Variants in GPHN observed in about 807,000 individuals in gnomAD.
The protein encoded by GPHN is gephyrin.
A neutral mutation model predicts 95.5 loss-of-function variants in GPHN; 17 were observed. That is an observed-to-expected ratio of 0.18 (90% CI 0.12 to 0.27). GPHN has a LOEUF of 0.27. Ranked by LOEUF, GPHN falls within the 10% of genes least tolerant of loss-of-function variation. The pLI, the probability that GPHN is intolerant of heterozygous loss-of-function variation, is 1.00. For missense variants in GPHN, 660 were observed against 978.1 expected, an observed-to-expected ratio of 0.67 and a Z score of 4.34; for synonymous variants, 320 against 322.5, an observed-to-expected ratio of 0.99 and a Z score of 0.08.
the GPHN span, among the ~76,000 whole-genome samples, chr14:67,315,754 GC>G: frequency 6.6e-6 from 1 of 152,130 alleles, no homozygotes; most frequent in African/African-American, 2.4e-5. Flanking sequence ...GTGAAACCGA[GC>G]CTCTACTAAA....
intron 9 of GPHN, among the ~76,000 whole-genome samples, chr14:67,022,365 C>A (rs1314444055): frequency 6.6e-6 from 1 of 151,584 alleles, no homozygotes; most frequent in Non-Finnish European, 1.5e-5. Context: ...GTATTATTTT[C>A]TTTAAGCAGT....
At chr14:67,337,327 C>A in the GPHN span, 1 of 152,246 alleles carries the variant, frequency 6.6e-6, no homozygotes, top group Non-Finnish European at 1.5e-5. Context: ...GCCTGGCCAA[C>A]ATGGTGAAAC....
In GPHN at chr14:66,852,787, T is replaced by TA. The variant is rs566940982; in HGVS notation, c.295-27146dup. ...TTTTCAAAGATGAAGAATTCTGACA[T>TA]AAAAAATAAAATTAGTGAACTCTCA... On this transcript the variant is annotated intron_variant, in intron 4 of 22. Coordinates refer to ENST00000478722, the MANE Select transcript of GPHN (RefSeq NM_020806.5). Among the ~76,000 whole-genome samples, 170 of 152,306 alleles carry TA rather than the reference T, an allele frequency of 1.1e-3. 4 individuals are homozygous for TA. The South Asian group carries it at 0.034, about 30-fold the overall frequency.
chr14:67,075,614 T>G (rs2076465197), intron 11 of GPHN, among the ~76,000 whole-genome samples: 1 of 152,174 alleles, frequency 6.6e-6, no homozygotes, highest in Admixed American at 6.5e-5. Context: ...TTAAGAGCAT[T>G]TATGATTCAC....
At chr14:66,548,178 A>AT (rs564746424) in intron 1 of GPHN, among the ~76,000 whole-genome samples, 2,273 of 116,124 alleles carry the variant, frequency 0.02, 52 homozygotes, top group African/African-American at 0.042. Flanking sequence ...TACTATTGTA[A>AT]TTTTTTTTTT....
chr14:67,678,943 G>A, the GPHN span, among the ~76,000 whole-genome samples: 18,905 of 152,192 alleles, frequency 0.12, 1,212 homozygotes, highest in Admixed American at 0.14. Flanking sequence ...AGGAAAAGGC[G>A]ACACAGAAAA....
intron 1 of GPHN, among the ~76,000 whole-genome samples, chr14:66,546,526 C>G (rs1233620787): frequency 6.6e-6 from 1 of 152,296 alleles, no homozygotes; most frequent in South Asian, 2.1e-4. Context: ...CCCGGCACCT[C>G]GGGAGGCCGA....
chr14:66,887,965 C>T (rs1188238819), intron 5 of GPHN, among the ~76,000 whole-genome samples: 1 of 152,092 alleles, frequency 6.6e-6, no homozygotes, highest in Non-Finnish European at 1.5e-5. Context: ...TAAACAGTGC[C>T]TTTGATGGGC....
the GPHN span, among the ~76,000 whole-genome samples, chr14:67,560,761 G>A: frequency 3.0e-5 from 4 of 132,880 alleles, no homozygotes; most frequent in Admixed American, 2.6e-4. Context: ...ACGGAGTCTC[G>A]CTCTTGTTTC....
chr14:66,528,688 T>G (rs1000851192), intron 1 of GPHN, among the ~76,000 whole-genome samples: 5 of 152,226 alleles, frequency 3.3e-5, no homozygotes, highest in African/African-American at 9.6e-5. Context: ...TTTGCGTGTC[T>G]GTAAAGGATT....
At chr14:67,572,617 T>TAGAG in the GPHN span, among the ~76,000 whole-genome samples, 48,910 of 151,868 alleles carry the variant, frequency 0.32, 8,927 homozygotes, top group Non-Finnish European at 0.39. Flanking sequence ...ATTGAACTCT[T>TAGAG]GGCACCAGGC....
chr14:66,656,768 A>C (rs150713934), intron 1 of GPHN, among the ~76,000 whole-genome samples: 77 of 152,256 alleles, frequency 5.1e-4, no homozygotes, highest in African/African-American at 1.7e-3. Context: ...TTAATCAATA[A>C]ATGTTGTGTG....
the GPHN span, among the ~76,000 whole-genome samples, chr14:67,423,437 AC>A: frequency 6.6e-6 from 1 of 151,986 alleles, no homozygotes; most frequent in South Asian, 2.1e-4. Context: ...CAGTCTAGGC[AC>A]CCACAGTGTT....
At chr14:67,308,647 G>C in the GPHN span, among the ~76,000 whole-genome samples, 21 of 150,416 alleles carry the variant, frequency 1.4e-4, no homozygotes, top group South Asian at 4.0e-3. Context: ...CTGGGTTCAA[G>C]TGATTCTCCC....
chr14:67,603,191 C>T, the GPHN span, among the ~76,000 whole-genome samples: 1,206 of 152,214 alleles, frequency 7.9e-3, 21 homozygotes, highest in African/African-American at 0.027. Context: ...CACCTCAGCC[C>T]CTCAAGTATC....
chr14:66,653,381 T>C (rs2065144447), intron 1 of GPHN, among the ~76,000 whole-genome samples: 1 of 152,200 alleles, frequency 6.6e-6, no homozygotes, highest in African/African-American at 2.4e-5. Context: ...TTAAACTTTT[T>C]AGATAGTTGT....
the GPHN span, chr14:67,387,063 G>A: frequency 3.4e-5 from 10 of 290,368 alleles, no homozygotes; most frequent in Non-Finnish European, 6.3e-5. Context: ...TTTGGTGCCC[G>A]AGGAAATGGC....
intron 17 of GPHN, among the ~76,000 whole-genome samples, chr14:67,129,770 G>T (rs969847065): frequency 8.0e-6 from 1 of 125,318 alleles, no homozygotes; most frequent in African/African-American, 3.9e-5. Context: ...AAGAAAGAAA[G>T]AAAGAGAGAA....
chr14:67,321,179 A>T, the GPHN span: 1 of 1,614,232 alleles, frequency 6.2e-7, no homozygotes, highest in Admixed American at 1.7e-5. Flanking sequence ...ATTTGAGAAG[A>T]ATTTGTATGG....
Sources: allele counts gnomAD v4.1 joint callset (sites outside exome capture counted in the v4.1 genomes callset), GRCh38; gene constraint gnomAD v4.1.1; transcripts MANE v1.5; gene names NCBI Gene and HGNC (gene_info 2026-07-23, HGNC 2026-07-21).